CNTNAP5: variants seen among roughly 807,000 people sequenced by gnomAD.
CNTNAP5 encodes contactin-associated protein-like 5.
In CNTNAP5, 72 loss-of-function variants were observed where a neutral mutation model predicts 150.2. The ratio of observed to expected loss-of-function variants is 0.48; its 90% CI spans 0.40 to 0.58. The LOEUF is 0.58. Ranked by LOEUF, CNTNAP5 falls within the 20% of genes least tolerant of loss-of-function variation. The probability of loss-of-function intolerance (pLI) is 0.00; values close to 1 mark genes in which losing one functional copy is unlikely to be tolerated. For synonymous variants in CNTNAP5, 672 were observed against 619.8 expected (o/e 1.08, Z -1.25); for missense variants, 1,636 against 1,626.2 (o/e 1.01, Z -0.10).
intron 10 of CNTNAP5, among the ~76,000 whole-genome samples, chr2:124,559,040 A>G (rs1223863313): frequency 2.0e-5 from 3 of 152,168 alleles, no homozygotes; most frequent in Admixed American, 6.5e-5. Flanking sequence ...GTTTCTTCAT[A>G]TTTCCCATGA....
chr2:124,889,078 CTTTTTT>C (rs761790564), intron 21 of CNTNAP5, among the ~76,000 whole-genome samples: 1 of 68,782 alleles, frequency 1.5e-5, no homozygotes, highest in African/African-American at 5.7e-5. Flanking sequence ...TGAGGTCTAG[CTTTTTT>C]TTTTTTTTTT....
At chr2:124,795,854 CT>C (rs1347803839) in intron 18 of CNTNAP5, among the ~76,000 whole-genome samples, 3 of 151,912 alleles carry the variant, frequency 2.0e-5, no homozygotes, top group African/African-American at 7.3e-5. Context: ...GTCTTACCAT[CT>C]CAGAATCTAG....
chr2:124,541,980 C>T lies in CNTNAP5; in HGVS notation c.1649+14524C>T, dbSNP rs990988717. On this transcript the variant is annotated intron_variant, in intron 10 of 23. Coordinates refer to ENST00000682447, the MANE Select transcript of CNTNAP5 (RefSeq NM_001367498.1). Reference sequence around the variant, plus strand: ...TTATCCTAAATGTAGATATACCTTTCCTGCTTTTGAAATAGGAAAACAAAA... The same window carrying T: ...TTATCCTAAATGTAGATATACCTTTTCTGCTTTTGAAATAGGAAAACAAAA... Among the ~76,000 whole-genome samples the T allele has an allele frequency of 4.6e-5, 7 of 152,228 alleles. No individual in the cohort carries two copies. In the South Asian group the frequency reaches 1.5e-3, roughly 32 times the overall value.
intron 13 of CNTNAP5, among the ~76,000 whole-genome samples, chr2:124,725,791 C>T (rs1027770162): frequency 6.6e-6 from 1 of 151,970 alleles, no homozygotes; most frequent in South Asian, 2.1e-4. Flanking sequence ...TTAGGTTCCT[C>T]ATGTAAGTGA....
chr2:124,062,383 T>C (rs903773683), intron 1 of CNTNAP5, among the ~76,000 whole-genome samples: 3 of 152,192 alleles, frequency 2.0e-5, no homozygotes, highest in Admixed American at 2.0e-4. Flanking sequence ...AATCCTGTTA[T>C]TATACTTCCT....
At chr2:124,294,093 G>A (rs1688364667) in intron 3 of CNTNAP5, among the ~76,000 whole-genome samples, 1 of 142,830 alleles carries the variant, frequency 7.0e-6, no homozygotes, top group Non-Finnish European at 1.5e-5. Context: ...TATTAAATTG[G>A]GATGTGTCTT....
At chr2:124,753,633 A>G (rs1056603714) in intron 14 of CNTNAP5, among the ~76,000 whole-genome samples, 5 of 152,314 alleles carry the variant, frequency 3.3e-5, no homozygotes, top group Admixed American at 3.3e-4. Flanking sequence ...CATGTTATTG[A>G]AAAGGGCAGG....
At chr2:124,038,867 C>T (rs565130498) in intron 1 of CNTNAP5, among the ~76,000 whole-genome samples, 16 of 152,236 alleles carry the variant, frequency 1.1e-4, no homozygotes, top group Non-Finnish European at 2.1e-4. Flanking sequence ...GGATGGAATC[C>T]CACCTCAGTC....
intron 21 of CNTNAP5, among the ~76,000 whole-genome samples, chr2:124,891,860 C>A (rs1215761364): frequency 6.6e-6 from 1 of 152,224 alleles, no homozygotes; most frequent in East Asian, 1.9e-4. Context: ...TTAATAATGG[C>A]CATGTGACAT....
chr2:124,203,759 A>G (rs374864698), intron 1 of CNTNAP5, among the ~76,000 whole-genome samples: 14 of 152,268 alleles, frequency 9.2e-5, no homozygotes, highest in African/African-American at 3.4e-4. Context: ...TGGGATGCGG[A>G]GCACCAAGTC....
chr2:124,032,835 T>C (rs1681095105), intron 1 of CNTNAP5, among the ~76,000 whole-genome samples: 1 of 152,222 alleles, frequency 6.6e-6, no homozygotes, highest in African/African-American at 2.4e-5. Context: ...TATTTCATAT[T>C]TGCATGACAT....
intron 12 of CNTNAP5, among the ~76,000 whole-genome samples, chr2:124,625,379 C>T (rs566858814): frequency 1.1e-4 from 17 of 151,846 alleles, no homozygotes; most frequent in African/African-American, 2.7e-4. Context: ...ACATTTAAGA[C>T]GCTATTTTCT....
intron 3 of CNTNAP5, among the ~76,000 whole-genome samples, chr2:124,286,605 A>G (rs1222110068): frequency 6.6e-6 from 1 of 152,188 alleles, no homozygotes; most frequent in Admixed American, 6.5e-5. Context: ...ATTCAGCAGA[A>G]TTGAGGTTGG....
intron 19 of CNTNAP5, among the ~76,000 whole-genome samples, chr2:124,819,515 G>T (rs1682439970): frequency 6.6e-6 from 1 of 152,120 alleles, no homozygotes; most frequent in Admixed American, 6.6e-5. Context: ...AACAACTGGT[G>T]ATGCTGTTAA....
At chr2:124,483,418 C>A (rs932334227) in intron 7 of CNTNAP5, among the ~76,000 whole-genome samples, 1 of 152,182 alleles carries the variant, frequency 6.6e-6, no homozygotes, top group Non-Finnish European at 1.5e-5. Flanking sequence ...CCGGTATGAA[C>A]CTGCTGCATA....
chr2:124,402,314 C>A (rs1015774988), intron 3 of CNTNAP5, among the ~76,000 whole-genome samples: 2 of 152,102 alleles, frequency 1.3e-5, no homozygotes, highest in Non-Finnish European at 2.9e-5. Flanking sequence ...AGCACTAATA[C>A]CCACTGAAGG....
At chr2:124,242,717 A>C (rs1463663713) in intron 3 of CNTNAP5, among the ~76,000 whole-genome samples, 1 of 152,176 alleles carries the variant, frequency 6.6e-6, no homozygotes, top group Non-Finnish European at 1.5e-5. Context: ...TATTAATGTG[A>C]TTATACTAAT....
intron 12 of CNTNAP5, among the ~76,000 whole-genome samples, chr2:124,636,973 G>T (rs1251727584): frequency 6.6e-6 from 1 of 151,842 alleles, no homozygotes; most frequent in Non-Finnish European, 1.5e-5. Flanking sequence ...AAAGTAAGTT[G>T]TAGACACAGC....
In CNTNAP5 at chr2:124,510,348, A is replaced by AACACACACACACACACAC. The variant is rs3039130; in HGVS notation, c.1327+5816_1327+5833dup. On this transcript the variant is annotated intron_variant, in intron 8 of 23. Transcript: ENST00000682447. ...ATCTATATATATATCTCCATATGTC[A>AACACACACACACACACAC]ACACACACACACACACACACACACA... Among the ~76,000 whole-genome samples the AACACACACACACACACAC allele has an allele frequency of 6.9e-4, 47 of 68,280 alleles. 2 individuals are homozygous for AACACACACACACACACAC. Among genetic ancestry groups the AACACACACACACACACAC allele is most frequent in the Non-Finnish European group, 1.1e-3 (44 of 38,372 alleles). The allele number at this position is 68,280 out of a possible 152,430, so 44.8% of individuals were successfully genotyped here. A position where few individuals can be genotyped will look rare whatever the true frequency, so the allele number is the denominator to read the frequency against.
Sources: gnomAD v4.1 joint callset for allele counts (sites outside exome capture counted in the v4.1 genomes callset) on GRCh38, gnomAD v4.1.1 for gene constraint, MANE v1.5 for transcripts, NCBI Gene and HGNC (gene_info 2026-07-23, HGNC 2026-07-21) for gene names.